Variants in SEC24D observed in about 807,000 individuals in gnomAD.
The protein encoded by SEC24D is SEC24 homolog D, COPII component, also known as protein transport protein Sec24D.
SEC24D carries 69 observed loss-of-function variants against 116.9 expected under a neutral mutation model. That is an observed-to-expected ratio of 0.59 (90% confidence interval 0.49 to 0.72). The LOEUF (loss-of-function observed/expected upper bound fraction) is 0.72, where lower values mean the gene tolerates loss of function less well. Among genes scored for constraint, SEC24D ranks in the 30% least tolerant of loss-of-function variants. The pLI is 0.00. For synonymous variants in SEC24D, 405 were observed against 442.8 expected, an observed-to-expected ratio of 0.91 and a Z score of 1.07; for missense variants, 1,131 against 1,264.1, an observed-to-expected ratio of 0.89 and a Z score of 1.60.
At chr4:118,772,989 T>A (rs1727972545) in intron 8 of SEC24D, among the ~76,000 whole-genome samples, 1 of 152,042 alleles carries the variant, frequency 6.6e-6, no homozygotes, top group Non-Finnish European at 1.5e-5. Context: ...CACTACCCAC[T>A]CTCCTTATCT....
In SEC24D at chr4:118,757,742, G is replaced by T. The variant is rs769862237; in HGVS notation, c.1400C>A (p.Thr467Asn). 2.5e-6 allele frequency: 4 copies of T among 1,606,832 alleles called. No homozygotes were observed. In the South Asian group the frequency reaches 4.5e-5, roughly 18 times the overall value. Reference sequence around the variant, plus strand: ...TTACTTTGGAATTTTTTCCAGCATGGTCTTCAGTTCTTCACATATGAGCTT... The same window carrying T: ...TTACTTTGGAATTTTTTCCAGCATGTTCTTCAGTTCTTCACATATGAGCTT... Reference protein sequence around the residue: ...LVKLICEELKTMLEKIPKEEQ... With the variant: ...LVKLICEELKNMLEKIPKEEQ... Residue 467 changes from threonine to asparagine, a missense_variant, in exon 11 of 23, where the codon ACC (threonine) becomes AAC (asparagine). Thr to Asn is a moderately conservative substitution (Grantham distance 65). Transcript: ENST00000280551.
At chr4:118,826,651 A>G (rs1196301711) in intron 2 of SEC24D, among the ~76,000 whole-genome samples, 1 of 150,118 alleles carries the variant, frequency 6.7e-6, no homozygotes, top group Non-Finnish European at 1.5e-5. Flanking sequence ...TTTGCCTCAC[A>G]GCTCTCCAAA....
intron 11 of SEC24D, chr4:118,754,188 G>A (rs990207399): frequency 1.3e-5 from 2 of 152,026 alleles, no homozygotes; most frequent in African/African-American, 4.8e-5. Flanking sequence ...CTTGGAAACT[G>A]TTTATATTCT....
intron 11 of SEC24D, among the ~76,000 whole-genome samples, chr4:118,757,214 G>A (rs765486902): frequency 6.6e-6 from 1 of 152,194 alleles, no homozygotes. Flanking sequence ...GGCAAGGAAT[G>A]TGGTGCACCT....
intron 21 of SEC24D, chr4:118,729,359 A>G (rs1725568367): frequency 6.6e-6 from 1 of 152,200 alleles, no homozygotes; most frequent in African/African-American, 2.4e-5. Context: ...CTGTTAATTT[A>G]TAGAGTATTC....
Position 118,740,658 on chromosome 4 carries a change from A to G in SEC24D, c.2238+5T>C, listed in dbSNP as rs964580209. ...AACGAAAGGTGGGAATACACTTTCA[A>G]TCACCTGGATTAAGGCTCCACTGTC... On this transcript the variant is annotated splice_donor_5th_base_variant and intron_variant, in intron 17 of 22. Transcript: ENST00000280551. 15 of 1,613,322 alleles carry G rather than the reference A, an allele frequency of 9.3e-6. No individual in the cohort carries two copies. Among genetic ancestry groups the G allele is most frequent in the African/African-American group, 1.3e-5 (1 of 74,898 alleles).
chr4:118,832,422 G>C (rs991285020), intron 2 of SEC24D, among the ~76,000 whole-genome samples: 3 of 152,144 alleles, frequency 2.0e-5, no homozygotes, highest in Admixed American at 6.5e-5. Context: ...AAACTATGGA[G>C]TGTAAACTAT....
At chr4:118,824,171 G>A (rs552862609) in intron 3 of SEC24D, among the ~76,000 whole-genome samples, 8 of 151,596 alleles carry the variant, frequency 5.3e-5, no homozygotes, top group Non-Finnish European at 1.2e-4. Flanking sequence ...TTTTGAGACA[G>A]GGTCTCACTG....
chr4:118,784,113 T>A (rs879722604), intron 8 of SEC24D, among the ~76,000 whole-genome samples: 2 of 152,194 alleles, frequency 1.3e-5, no homozygotes, highest in Non-Finnish European at 2.9e-5. Context: ...ATACAGCAAA[T>A]CATCTTTGGT....
intron 6 of SEC24D, among the ~76,000 whole-genome samples, chr4:118,813,008 T>C (rs1332477803): frequency 1.3e-5 from 2 of 152,156 alleles, no homozygotes; most frequent in African/African-American, 4.8e-5. Context: ...ACACCCCCAC[T>C]GCATGCCCTC....
chr4:118,754,319 C>G (rs747202501), intron 11 of SEC24D, among the ~76,000 whole-genome samples: 12 of 152,140 alleles, frequency 7.9e-5, no homozygotes, highest in Non-Finnish European at 1.3e-4. Flanking sequence ...AACCACTATG[C>G]TATACTGCAT....
chr4:118,815,621 G>T lies in SEC24D; in HGVS notation c.503C>A (p.Ser168Tyr). The T allele has an allele frequency of 2.5e-6, 4 of 1,614,180 alleles. No homozygotes were observed. Among genetic ancestry groups the T allele is most frequent in the Non-Finnish European group, 3.4e-6 (4 of 1,180,026 alleles). Residue 168 changes from serine (S) to tyrosine (Y), a missense_variant, in exon 5 of 23, where the codon TCT becomes TAT. Transcript: ENST00000280551. ...GGTGGGTGGTGGTGGAAGAACTTGA[G>T]ATCCAGGCTGCAAAATGGAAGGCTG... ...PPQPSILQPG[S>Y]QVLPPPPTTL...
chr4:118,819,485 C>T (rs895939727), intron 3 of SEC24D, among the ~76,000 whole-genome samples: 4 of 141,800 alleles, frequency 2.8e-5, no homozygotes, highest in African/African-American at 1.0e-4. Flanking sequence ...GAGCCAAGAT[C>T]GCGCCACTGC....
At chr4:118,827,031 G>A (rs1049001283) in intron 2 of SEC24D, among the ~76,000 whole-genome samples, 9 of 152,312 alleles carry the variant, frequency 5.9e-5, no homozygotes, top group African/African-American at 2.2e-4. Context: ...AGGACTGCTT[G>A]AGCTGAATCT....
At chr4:118,734,197 T>C (rs1411244156) in intron 19 of SEC24D, among the ~76,000 whole-genome samples, 1 of 150,602 alleles carries the variant, frequency 6.6e-6, no homozygotes, top group Non-Finnish European at 1.5e-5. Flanking sequence ...TAATGGTTTC[T>C]TTTTAGCTTT....
chr4:118,814,985 G>A, intron 6 of SEC24D, 43 bp downstream of exon 6: 1 of 1,596,472 alleles, frequency 6.3e-7, no homozygotes, highest in Non-Finnish European at 8.6e-7. Flanking sequence ...AAAAATTAAT[G>A]CTCCTTTGTG....
intron 8 of SEC24D, among the ~76,000 whole-genome samples, chr4:118,777,094 T>TATTTATTTATTC (rs1160370686): frequency 1.3e-5 from 1 of 77,260 alleles, no homozygotes; most frequent in Admixed American, 1.2e-4. Context: ...AGGTCTGAAT[T>TATTTATTTATTC]ATTTATTTAT....
intron 12 of SEC24D, among the ~76,000 whole-genome samples, 166 bp downstream of exon 12, chr4:118,752,531 T>C (rs2110456978): frequency 6.6e-6 from 1 of 152,320 alleles, no homozygotes. Context: ...TAGATACTTG[T>C]CTATATTTAA....
chr4:118,740,745 G>A lies in SEC24D; in HGVS notation c.2156C>T (p.Ala719Val). 1.9e-6 allele frequency: 3 copies of A among 1,613,906 alleles called. No individual in the cohort carries two copies. The highest frequency in any genetic ancestry group is 2.5e-6 in the Non-Finnish European group (3 of 1,179,836). The change falls in exon 17 of 23, where the codon GCT (alanine) becomes GTT (valine). Residue 719 changes from alanine (A) to valine (V), a missense_variant. Coordinates refer to ENST00000280551, the MANE Select transcript of SEC24D (RefSeq NM_014822.4). ...LMNNTTDVEMAAIDCDKAVTV... is the reference protein window; with the variant it reads ...LMNNTTDVEMVAIDCDKAVTV... ...CACTGCCTTGTCACAATCGATGGCA[G>A]CCATTTCTACATCGGTGGTGTTGTT...
Sources: gnomAD v4.1 joint callset for allele counts (sites outside exome capture counted in the v4.1 genomes callset) on GRCh38, gnomAD v4.1.1 for gene constraint, MANE v1.5 for transcripts, NCBI Gene and HGNC (gene_info 2026-07-23, HGNC 2026-07-21) for gene names.